Variants in CCDC69 observed in about 807,000 individuals in gnomAD.
CCDC69 encodes the protein coiled-coil domain-containing protein 69.
CCDC69 carries 38 observed loss-of-function variants against 40.3 expected under a neutral mutation model. The ratio of observed to expected loss-of-function variants is 0.94; its 90% CI spans 0.73 to 1.24. CCDC69 has a LOEUF of 1.24. Among genes scored for constraint, CCDC69 ranks in the 50% most tolerant of loss-of-function variants. CCDC69 has a pLI of 0.00. For synonymous variants in CCDC69, 141 were observed against 138.9 expected (o/e 1.02, Z -0.11); for missense variants, 389 against 357.9 (o/e 1.09, Z -0.70).
Position 151,183,086 on chromosome 5 carries a change from CA to C in CCDC69, c.*350del, listed in dbSNP as rs763656917. 2 of 488,130 alleles carry C rather than the reference CA, an allele frequency of 4.1e-6. No individual in the cohort carries two copies. Among genetic ancestry groups the C allele is most frequent in the Non-Finnish European group, 8.1e-6 (2 of 248,082 alleles). 30.2% of individuals were successfully genotyped at this position (488,130 alleles called of 1,614,324 possible). On this transcript the variant is annotated 3_prime_UTR_variant, in exon 9 of 9. Coordinates refer to ENST00000355417, the MANE Select transcript of CCDC69 (RefSeq NM_015621.3). ...GGCAGCAGAGCTGACAAGCTGGGAC[CA>C]GGGGCTGTCTCCTTTATGTCAAATG... is the stretch of plus-strand genomic sequence containing the variant.
intron 7 of CCDC69, chr5:151,185,153 G>C: frequency 3.0e-6 from 1 of 336,470 alleles, no homozygotes; most frequent in East Asian, 7.1e-5. Flanking sequence ...CTGTCCTCCC[G>C]TGTTCTCAAT....
rs917682574 is a variant in CCDC69, at chr5:151,211,713, G to A, written c.49-6238C>T. Reference sequence around the variant, plus strand: ...TAATTTTTGTATTTTTAGTAGAGACGGGGTTTCACCATGTTGGCCAGGCAG... The same window carrying A: ...TAATTTTTGTATTTTTAGTAGAGACAGGGTTTCACCATGTTGGCCAGGCAG... On this transcript the variant is annotated intron_variant, in intron 1 of 8. Coordinates refer to ENST00000355417, the MANE Select transcript of CCDC69 (RefSeq NM_015621.3). Among the ~76,000 whole-genome samples, 6 of 151,862 alleles carry A rather than the reference G, an allele frequency of 4.0e-5. No individual in the cohort carries two copies. The East Asian group carries it at 7.8e-4, about 20-fold the overall frequency.
intron 1 of CCDC69, among the ~76,000 whole-genome samples, chr5:151,211,996 T>C (rs901894986): frequency 4.0e-4 from 45 of 113,842 alleles, no homozygotes; most frequent in Non-Finnish European, 4.7e-4. Flanking sequence ...GCACCTGCAG[T>C]GTGTGCGTGG....
chr5:151,186,375 G>A (rs1018912181), intron 5 of CCDC69, among the ~76,000 whole-genome samples: 102 of 146,090 alleles, frequency 7.0e-4, no homozygotes, highest in African/African-American at 2.5e-3. Context: ...GACGGGAGGG[G>A]AGGGGAGGGG....
intron 2 of CCDC69, among the ~76,000 whole-genome samples, chr5:151,203,575 ATAGTAAATATATATATTTATATAT>A (rs1227833181): frequency 5.6e-5 from 8 of 143,766 alleles, no homozygotes; most frequent in Non-Finnish European, 1.2e-4. Flanking sequence ...TATTTAATAT[ATAGTAAATATATATATTTATATAT>A]TAGTAAATAT....
Position 151,183,633 on chromosome 5 carries a change from C to T in CCDC69, c.714-19G>A. On this transcript the variant is annotated intron_variant, in intron 8 of 8. Transcript: ENST00000355417. ...CAGCTGCCTGTGGATGCACACAGAG[C>T]CCAGGGTTGCCTACTGGGAGCAGCT... 1 of 1,588,184 alleles carries T rather than the reference C, an allele frequency of 6.3e-7. No individual in the cohort carries two copies. The highest frequency in any genetic ancestry group is 8.6e-7 in the Non-Finnish European group (1 of 1,166,540).
At chr5:151,202,171 C>T (rs1006001928) in intron 2 of CCDC69, among the ~76,000 whole-genome samples, 16 of 124,274 alleles carry the variant, frequency 1.3e-4, no homozygotes, top group Non-Finnish European at 2.1e-4. Flanking sequence ...GACTAGGAAA[C>T]ATAGTGAGAC....
At chr5:151,223,410 T>C (rs1753165695) in intron 1 of CCDC69, among the ~76,000 whole-genome samples, 1 of 152,250 alleles carries the variant, frequency 6.6e-6, no homozygotes, top group South Asian at 2.1e-4. Context: ...CCTGGGCATA[T>C]TGTTAAAAGG....
In CCDC69 at chr5:151,222,986, C is replaced by T. The variant is rs1225831810; in HGVS notation, c.48+937G>A. ...AACACTGTCACAGTTTGGGGCCTCT[C>T]AAGGTCTCAAGGGGGAATGATGATA... On this transcript the variant is annotated intron_variant, in intron 1 of 8. Coordinates refer to ENST00000355417, the MANE Select transcript of CCDC69 (RefSeq NM_015621.3). Among the ~76,000 whole-genome samples the T allele has an allele frequency of 2.0e-5, 3 of 152,150 alleles. No individual in the cohort carries two copies. In the East Asian group the frequency reaches 5.8e-4, roughly 29 times the overall value.
chr5:151,185,063 G>A (rs1451901719), intron 7 of CCDC69: 1 of 164,308 alleles, frequency 6.1e-6, no homozygotes, highest in Non-Finnish European at 1.3e-5. Context: ...ATTATAAGTT[G>A]TAAGGCACAC....
At chr5:151,192,018 G>A (rs1455804597) in intron 4 of CCDC69, among the ~76,000 whole-genome samples, 2 of 139,258 alleles carry the variant, frequency 1.4e-5, no homozygotes, top group African/African-American at 5.3e-5. Context: ...CCAGGAGTTT[G>A]AGGCTGCCCT....
chr5:151,217,354 C>G (rs1753061112), intron 1 of CCDC69, among the ~76,000 whole-genome samples: 1 of 152,066 alleles, frequency 6.6e-6, no homozygotes, highest in Non-Finnish European at 1.5e-5. Context: ...AAGATGGGTT[C>G]CAAAGGGAGG....
At chr5:151,198,172 T>C (rs890993086) in intron 4 of CCDC69, among the ~76,000 whole-genome samples, 5 of 152,340 alleles carry the variant, frequency 3.3e-5, no homozygotes, top group Middle Eastern at 3.4e-3. Context: ...ATCATTAAAT[T>C]GTTTAATTCT....
intron 3 of CCDC69, 148 bp from the exon 4 acceptor site, chr5:151,199,232 C>A: frequency 1.5e-6 from 1 of 670,406 alleles, no homozygotes; most frequent in Non-Finnish European, 2.6e-6. Context: ...AGAAAGGACA[C>A]AAGACTTCCA....
chr5:151,220,279 AG>A (rs1369072527), intron 1 of CCDC69, among the ~76,000 whole-genome samples: 1 of 152,182 alleles, frequency 6.6e-6, no homozygotes, highest in African/African-American at 2.4e-5. Flanking sequence ...TGTCACATAC[AG>A]TCTTTCATCT....
rs375675282 is a variant in CCDC69 at position 151,184,482 on chromosome 5, C to G, written c.616-41G>C. The G allele has an allele frequency of 3.0e-6, 4 of 1,334,696 alleles. No individual in the cohort carries two copies. The African/African-American group carries it at 5.7e-5, about 19-fold the overall frequency. 82.7% of individuals were successfully genotyped at this position (1,334,696 alleles called of 1,614,324 possible). A position where few individuals can be genotyped will look rare whatever the true frequency, so the allele number is the denominator to read the frequency against. ...TGAGCTCAGAAAGCTGCCAAACTCACGCTGCACGATGTGTGCTGTCACCTC... is the reference window on the plus strand; with the variant it reads ...TGAGCTCAGAAAGCTGCCAAACTCAGGCTGCACGATGTGTGCTGTCACCTC... On this transcript the variant is annotated intron_variant, in intron 7 of 8. Transcript: ENST00000355417.
At chr5:151,190,223 T>C (rs1009006222) in intron 4 of CCDC69, among the ~76,000 whole-genome samples, 6 of 152,178 alleles carry the variant, frequency 3.9e-5, no homozygotes, top group Non-Finnish European at 8.8e-5. Flanking sequence ...TAAAATATGA[T>C]TGATGATTAA....
rs935442682 is a variant in CCDC69 at position 151,183,248 on chromosome 5, C to A, written c.*189G>T. The A allele has an allele frequency of 9.4e-6, 7 of 748,412 alleles. No individual in the cohort carries two copies. The African/African-American group carries it at 1.0e-4, about 11-fold the overall frequency. 46.4% of individuals were successfully genotyped at this position (748,412 alleles called of 1,614,324 possible). A position where few individuals can be genotyped will look rare whatever the true frequency, so the allele number is the denominator to read the frequency against. ...AAGGGAAGACGCTTCTCGGGGCCTC[C>A]AAAACCCTGTGGGTGATTCCATGTA... On this transcript the variant is annotated 3_prime_UTR_variant, in exon 9 of 9. Coordinates refer to ENST00000355417, the MANE Select transcript of CCDC69 (RefSeq NM_015621.3).
At chr5:151,197,013 G>C (rs1230021194) in intron 4 of CCDC69, among the ~76,000 whole-genome samples, 1 of 152,164 alleles carries the variant, frequency 6.6e-6, no homozygotes, top group Non-Finnish European at 1.5e-5. Context: ...CTGTGCAATG[G>C]CAAATTACCC....
Sources: allele counts gnomAD v4.1 joint callset (sites outside exome capture counted in the v4.1 genomes callset), GRCh38; gene constraint gnomAD v4.1.1; transcripts MANE v1.5; gene names NCBI Gene and HGNC (gene_info 2026-07-23, HGNC 2026-07-21).